Variants in GOT1 observed in about 807,000 individuals in gnomAD.
The protein encoded by GOT1 is glutamic-oxaloacetic transaminase 1, also known as aspartate aminotransferase, cytoplasmic.
Under a neutral mutation model 48.2 loss-of-function variants are expected in GOT1, and 25 were observed. The ratio of observed to expected loss-of-function variants is 0.52; its 90% CI spans 0.38 to 0.72. The LOEUF (loss-of-function observed/expected upper bound fraction) is 0.72. Among genes scored for constraint, GOT1 ranks in the 30% least tolerant of loss-of-function variants. The pLI, the probability that GOT1 is intolerant of heterozygous loss-of-function variation, is 0.00. For synonymous variants in GOT1, 188 were observed against 193.8 expected, an observed-to-expected ratio of 0.97 and a Z score of 0.25; for missense variants, 380 against 520.1, an observed-to-expected ratio of 0.73 and a Z score of 2.62.
chr10:99,420,551 A>T, intron 2 of GOT1, 73 bp downstream of exon 2: 1 of 1,186,426 alleles, frequency 8.4e-7, no homozygotes, highest in Non-Finnish European at 1.2e-6. Flanking sequence ...CTAATATTTT[A>T]AACAAACTGT....
At chr10:99,412,046 G>C (rs189225643) in intron 2 of GOT1, among the ~76,000 whole-genome samples, 1 of 152,324 alleles carries the variant, frequency 6.6e-6, no homozygotes, top group Non-Finnish European at 1.5e-5. Context: ...CAGTGTGGAA[G>C]TGACCCTTGA....
At chr10:99,421,233 A>G (rs887827911) in intron 1 of GOT1, among the ~76,000 whole-genome samples, 1 of 152,228 alleles carries the variant, frequency 6.6e-6, no homozygotes, top group Non-Finnish European at 1.5e-5. Flanking sequence ...CATCTCCCCA[A>G]GAGACTTCCA....
At chr10:99,411,385 CA>C (rs1179826880) in intron 2 of GOT1, among the ~76,000 whole-genome samples, 1 of 152,128 alleles carries the variant, frequency 6.6e-6, no homozygotes, top group African/African-American at 2.4e-5. Flanking sequence ...TAGGTCTCCT[CA>C]AAATGGGTAA....
chr10:99,429,728 C>G (rs1349591395), intron 1 of GOT1, among the ~76,000 whole-genome samples: 1 of 152,116 alleles, frequency 6.6e-6, no homozygotes, highest in Non-Finnish European at 1.5e-5. Context: ...CTGAGCTGTC[C>G]AAGGTACAGA....
intron 5 of GOT1, among the ~76,000 whole-genome samples, chr10:99,405,440 G>T (rs1295159367): frequency 6.6e-6 from 1 of 151,284 alleles, no homozygotes; most frequent in African/African-American, 2.4e-5. Flanking sequence ...ATAAAGAAGT[G>T]AAAATGAAAA....
intron 2 of GOT1, among the ~76,000 whole-genome samples, chr10:99,415,364 C>T (rs2032881951): frequency 6.6e-6 from 1 of 152,172 alleles, no homozygotes; most frequent in Non-Finnish European, 1.5e-5. Flanking sequence ...AATTCCTCGA[C>T]ACATACACCC....
chr10:99,412,464 CTATT>C (rs2032838989), intron 2 of GOT1, among the ~76,000 whole-genome samples: 1 of 151,702 alleles, frequency 6.6e-6, no homozygotes, highest in Non-Finnish European at 1.5e-5. Flanking sequence ...AATTAAGAGG[CTATT>C]AGTGAACTAA....
At chr10:99,412,239 A>G (rs1284541847) in intron 2 of GOT1, among the ~76,000 whole-genome samples, 2 of 151,948 alleles carry the variant, frequency 1.3e-5, no homozygotes, top group Admixed American at 1.3e-4. Context: ...CAGCAACTGT[A>G]AGAACAGGAT....
intron 2 of GOT1, 150 bp from the exon 3 acceptor site, chr10:99,406,999 T>A: frequency 2.9e-6 from 2 of 689,594 alleles, no homozygotes; most frequent in Admixed American, 2.7e-5. Flanking sequence ...AACTACTACA[T>A]GAAAAAGGTA....
In GOT1 at chr10:99,430,435, A is replaced by G; in HGVS notation, c.118+13T>C. The G allele has an allele frequency of 1.9e-6, 3 of 1,604,778 alleles. No individual in the cohort carries two copies. The highest frequency in any genetic ancestry group is 2.6e-6 in the Non-Finnish European group (3 of 1,174,830). On this transcript the variant is annotated intron_variant, in intron 1 of 8. Transcript: ENST00000370508. ...CCCCGAGCTGCTCACACTCCAGAGCACTACATCCTTACCTCCCACTCCCAG... is the reference window on the plus strand; with the variant it reads ...CCCCGAGCTGCTCACACTCCAGAGCGCTACATCCTTACCTCCCACTCCCAG...
In GOT1 at chr10:99,397,535, G is replaced by C. The variant is rs547920235; in HGVS notation, c.*12C>G. The C allele has an allele frequency of 1.2e-6, 2 of 1,613,196 alleles. No homozygotes were observed. Among genetic ancestry groups the C allele is most frequent in the Non-Finnish European group, 8.5e-7 (1 of 1,179,734 alleles). ...AGAACTACTTTGGTGGTACTGGACG[G>C]GTGGTGTTTCTTCACTGGATTTTGG... is the stretch of plus-strand genomic sequence containing the variant. On this transcript the variant is annotated 3_prime_UTR_variant, in exon 9 of 9. Coordinates refer to ENST00000370508, the MANE Select transcript of GOT1 (RefSeq NM_002079.3). The surrounding 1 kb of genome is among the most constrained non-coding windows in gnomAD (Gnocchi z 5.4).
At chr10:99,405,895 G>A in intron 4 of GOT1, 35 bp from the exon 5 acceptor site, 1 of 1,179,826 alleles carries the variant, frequency 8.5e-7, no homozygotes, top group Non-Finnish European at 1.3e-6. Context: ...CTCTGACACT[G>A]ATGGGAATAT....
intron 1 of GOT1, among the ~76,000 whole-genome samples, chr10:99,425,771 G>A (rs963653281): frequency 5.9e-5 from 9 of 152,026 alleles, no homozygotes; most frequent in Non-Finnish European, 1.0e-4. Context: ...AAGATCAAGG[G>A]GAAGGTGGAA....
At chr10:99,429,350 CTTTT>C (rs71488890) in intron 1 of GOT1, among the ~76,000 whole-genome samples, 9 of 140,838 alleles carry the variant, frequency 6.4e-5, no homozygotes, top group South Asian at 4.4e-4. Context: ...GCCCGGCCGA[CTTTT>C]TTTTTTTTTT....
intron 6 of GOT1, 26 bp downstream of exon 6, chr10:99,403,697 GC>G (rs1195281519): frequency 6.2e-7 from 1 of 1,613,870 alleles, no homozygotes; most frequent in East Asian, 2.2e-5. Context: ...AGGAGGTGGG[GC>G]TGTAACTCCT....
intron 2 of GOT1, among the ~76,000 whole-genome samples, chr10:99,413,435 C>G (rs1033153399): frequency 6.6e-6 from 1 of 152,180 alleles, no homozygotes; most frequent in East Asian, 1.9e-4. Flanking sequence ...AAATATGCGA[C>G]TATGTGAAAA....
Position 99,397,811 on chromosome 10 carries a change from G to A in GOT1, c.1103-125C>T. On this transcript the variant is annotated intron_variant, in intron 8 of 8. Coordinates refer to ENST00000370508, the MANE Select transcript of GOT1 (RefSeq NM_002079.3). This position sits in a 1 kb window ranked among gnomAD's most constrained non-coding sequence, Gnocchi z 5.4. ...CTTAACAGAGAGAAGCAAAACAAAA[G>A]GCGCTATTTTGTCCAACTGACAAAC... is the stretch of plus-strand genomic sequence containing the variant. 1 of 882,824 alleles carries A rather than the reference G, an allele frequency of 1.1e-6. No individual in the cohort carries two copies. Among genetic ancestry groups the A allele is most frequent in the Non-Finnish European group, 1.7e-6 (1 of 577,158 alleles). The allele number at this position is 882,824 out of a possible 1,614,324, so 54.7% of individuals were successfully genotyped here. A position where few individuals can be genotyped will look rare whatever the true frequency, so the allele number is the denominator to read the frequency against.
At position 99,430,260 on chromosome 10, in the gene GOT1, G is replaced by A. The variant is rs917499754; in HGVS notation, c.118+188C>T. The A allele has an allele frequency of 1.1e-5, 16 of 1,522,858 alleles. No individual in the cohort carries two copies. The African/African-American group carries it at 1.2e-4, about 12-fold the overall frequency. The allele number at this position is 1,522,858 out of a possible 1,614,324, so 94.3% of individuals were successfully genotyped here. A position where few individuals can be genotyped will look rare whatever the true frequency, so the allele number is the denominator to read the frequency against. ...CCTCGGACACATCGCCCCTTTCCAG[G>A]GACTCCACACCTGCATCTGTAAAAT... On this transcript the variant is annotated intron_variant, in intron 1 of 8. Coordinates refer to ENST00000370508, the MANE Select transcript of GOT1 (RefSeq NM_002079.3).
At chr10:99,407,433 T>A (rs1019946757) in intron 2 of GOT1, among the ~76,000 whole-genome samples, 1 of 114,594 alleles carries the variant, frequency 8.7e-6, no homozygotes, top group African/African-American at 3.8e-5. Flanking sequence ...CTTCCTCTCA[T>A]TTTTTTTTTT....
Sources: allele counts gnomAD v4.1 joint callset (sites outside exome capture counted in the v4.1 genomes callset), GRCh38; gene constraint gnomAD v4.1.1; non-coding constraint Gnocchi (gnomAD v3.1); transcripts MANE v1.5; gene names NCBI Gene and HGNC (gene_info 2026-07-23, HGNC 2026-07-21).